The following SMARCA2 variants were observed in gnomAD, a reference collection of about 807,000 sequenced individuals.
SMARCA2 encodes the protein SWI/SNF related BAF chromatin remodeling complex subunit ATPase 2.
SMARCA2 carries 61 observed loss-of-function variants against 199.8 expected under a neutral mutation model. The ratio of observed to expected loss-of-function variants is 0.31; its 90% CI spans 0.25 to 0.38. SMARCA2 has a LOEUF of 0.38. Ranked by LOEUF, SMARCA2 falls within the 10% of genes least tolerant of loss-of-function variation. The probability of loss-of-function intolerance (pLI) is 1.00; values close to 1 mark genes in which losing one functional copy is unlikely to be tolerated. For missense variants in SMARCA2, 1,344 were observed against 2,012.2 expected (o/e 0.67, Z 6.35); for synonymous variants, 935 against 732.0 (o/e 1.28, Z -4.48).
At chr9:2,106,600 T>C (rs79716518) in intron 23 of SMARCA2, among the ~76,000 whole-genome samples, 1,900 of 152,176 alleles carry the variant, frequency 0.012, 23 homozygotes, top group African/African-American at 0.043. Context: ...CCCCCTTCTG[T>C]CCCCCATCCC....
rs537838296 is a variant in SMARCA2, at chr9:2,091,494, C to T, written c.2883+2881C>T. Among the ~76,000 whole-genome samples the T allele has an allele frequency of 1.6e-4, 24 of 152,234 alleles. No individual in the cohort carries two copies. The South Asian group carries it at 1.7e-3, about 11-fold the overall frequency. On this transcript the variant is annotated intron_variant, in intron 19 of 33. Transcript: ENST00000349721. The stretch of plus-strand genomic sequence containing the variant: ...ATAATATTCCATTACATGGATGCAG[C>T]GCAGTTTGTTTGACATTTGGGTCAT...
In SMARCA2 at chr9:2,056,954, C is replaced by T. The variant is rs1820380712; in HGVS notation, c.1347+109C>T. On this transcript the variant is annotated intron_variant, in intron 7 of 33. Transcript: ENST00000349721. The surrounding 1 kb of genome is among the most constrained non-coding windows in gnomAD (Gnocchi z 4.0). ...AATGGACCCTTGTGGGTGGTGGGGA[C>T]ATCACAGAACAGAACGGTTCCTTGA... 3.4e-6 allele frequency: 3 copies of T among 892,334 alleles called. No individual in the cohort carries two copies. Among genetic ancestry groups the T allele is most frequent in the Non-Finnish European group, 5.1e-6 (3 of 586,244 alleles). The allele number at this position is 892,334 out of a possible 1,614,324, so 55.3% of individuals were successfully genotyped here.
chr9:2,189,428 C>T (rs539639454), intron 32 of SMARCA2, among the ~76,000 whole-genome samples: 3 of 152,246 alleles, frequency 2.0e-5, no homozygotes, highest in South Asian at 2.1e-4. Flanking sequence ...GATACATTTT[C>T]TTACCCCTAT....
chr9:2,083,767 G>C (rs772356525), intron 16 of SMARCA2, among the ~76,000 whole-genome samples: 1 of 152,244 alleles, frequency 6.6e-6, no homozygotes, highest in Admixed American at 6.5e-5. Flanking sequence ...GCCCGGGGCT[G>C]CCTGCTGTAC....
chr9:2,157,872 C>T (rs958813707), intron 27 of SMARCA2: 1 of 398,522 alleles, frequency 2.5e-6, no homozygotes. Context: ...CCTGCCGTCA[C>T]GCAGTAAAGA....
intron 13 of SMARCA2, among the ~76,000 whole-genome samples, chr9:2,076,546 TC>T (rs1311827086): frequency 1.3e-5 from 2 of 151,588 alleles, no homozygotes; most frequent in Non-Finnish European, 2.9e-5. Context: ...TTCCCTTTCT[TC>T]CCTTTCTTTC....
At chr9:2,179,801 G>A (rs887042767) in intron 29 of SMARCA2, among the ~76,000 whole-genome samples, 1 of 152,224 alleles carries the variant, frequency 6.6e-6, no homozygotes, top group African/African-American at 2.4e-5. Context: ...CATTGAGGGA[G>A]AGTCAGGTGT....
chr9:2,111,046 G>GTTT (rs763044837), intron 24 of SMARCA2, among the ~76,000 whole-genome samples: 35 of 142,492 alleles, frequency 2.5e-4, no homozygotes, highest in African/African-American at 3.1e-4. Context: ...TTGATGTTTT[G>GTTT]TTTTTTTTTT....
intron 4 of SMARCA2, among the ~76,000 whole-genome samples, chr9:2,046,818 C>A (rs1216166680): frequency 1.3e-5 from 2 of 152,014 alleles, no homozygotes; most frequent in South Asian, 2.1e-4. Context: ...TCTCAATGCA[C>A]CTGTAATTAA....
chr9:2,073,765 G>A (rs1821190100), intron 12 of SMARCA2, 142 bp downstream of exon 12: 1 of 650,974 alleles, frequency 1.5e-6, no homozygotes, highest in Non-Finnish European at 2.7e-6. Flanking sequence ...TGGGGCTAAG[G>A]ATTTACAAAT....
intron 9 of SMARCA2, 80 bp downstream of exon 9, chr9:2,061,066 T>A: frequency 7.9e-7 from 1 of 1,270,266 alleles, no homozygotes; most frequent in African/African-American, 1.5e-5. Flanking sequence ...GCTCTTTAAG[T>A]ACTACTTCTT....
intron 22 of SMARCA2, among the ~76,000 whole-genome samples, chr9:2,103,661 TGA>T (rs34122859): frequency 0.037 from 5,218 of 141,278 alleles, 220 homozygotes; most frequent in African/African-American, 0.11. Flanking sequence ...TGTGTGTGTG[TGA>T]GAGAGAGAGA....
chr9:2,121,894 A>G (rs1586727256), intron 26 of SMARCA2, among the ~76,000 whole-genome samples: 1 of 152,232 alleles, frequency 6.6e-6, no homozygotes, highest in East Asian at 1.9e-4. Context: ...TGTTCTCTAC[A>G]AAGGGAAAAA....
intron 32 of SMARCA2, among the ~76,000 whole-genome samples, chr9:2,188,851 G>A (rs757510951): frequency 1.2e-4 from 18 of 151,992 alleles, no homozygotes; most frequent in Non-Finnish European, 2.4e-4. Context: ...TCTTGTGTTC[G>A]TAGAAACAAA....
intron 27 of SMARCA2, among the ~76,000 whole-genome samples, chr9:2,155,065 A>T (rs1165662312): frequency 6.6e-6 from 1 of 152,192 alleles, no homozygotes. Flanking sequence ...CAGGGAGCTG[A>T]GCATAGCATG....
chr9:2,174,171 T>C (rs1281471661), intron 29 of SMARCA2, among the ~76,000 whole-genome samples: 1 of 151,886 alleles, frequency 6.6e-6, no homozygotes, highest in Non-Finnish European at 1.5e-5. Context: ...CTTTCGAGGG[T>C]CTCTGCCTCT....
intron 7 of SMARCA2, among the ~76,000 whole-genome samples, chr9:2,057,380 C>T (rs895112616): frequency 6.6e-6 from 1 of 152,172 alleles, no homozygotes; most frequent in Non-Finnish European, 1.5e-5. Flanking sequence ...AAGACCCCAC[C>T]TCCTAATACC....
chr9:2,120,216 A>G (rs76171695), intron 26 of SMARCA2, among the ~76,000 whole-genome samples: 4,097 of 152,314 alleles, frequency 0.027, 169 homozygotes, highest in African/African-American at 0.089. Flanking sequence ...TTACAGAGAG[A>G]GTAAATATAA....
chr9:2,135,618 T>C (rs183051008), intron 27 of SMARCA2, among the ~76,000 whole-genome samples: 66 of 152,332 alleles, frequency 4.3e-4, no homozygotes, highest in African/African-American at 1.4e-3. Context: ...CTTGGCTCAC[T>C]GCAACCTCTG....
Sources: allele counts gnomAD v4.1 joint callset (sites outside exome capture counted in the v4.1 genomes callset), GRCh38; gene constraint gnomAD v4.1.1; non-coding constraint Gnocchi (gnomAD v3.1); transcripts MANE v1.5; gene names NCBI Gene and HGNC (gene_info 2026-07-23, HGNC 2026-07-21).